LARGE1: variants seen among roughly 807,000 people sequenced by gnomAD.
The protein encoded by LARGE1 is xylosyl- and glucuronyltransferase LARGE1.
A neutral mutation model predicts 87.6 loss-of-function variants in LARGE1; 43 were observed. The ratio of observed to expected loss-of-function variants is 0.49; its 90% confidence interval spans 0.38 to 0.63. The LOEUF (loss-of-function observed/expected upper bound fraction) is 0.63, where lower values mean the gene tolerates loss of function less well. Ranked by LOEUF, LARGE1 falls within the 30% of genes least tolerant of loss-of-function variation. The pLI is 0.00. For synonymous variants in LARGE1, 434 were observed against 394.6 expected (o/e 1.10, Z -1.18); for missense variants, 802 against 1,000.2 (o/e 0.80, Z 2.67).
At chr22:33,180,154 C>T (rs1306958853) in intron 11 of LARGE1, among the ~76,000 whole-genome samples, 5 of 152,186 alleles carry the variant, frequency 3.3e-5, no homozygotes, top group African/African-American at 9.7e-5. Flanking sequence ...GTGAGAAATA[C>T]ATTTCTGGTC....
chr22:33,637,571 C>A (rs1007125483), intron 3 of LARGE1, among the ~76,000 whole-genome samples: 2 of 149,074 alleles, frequency 1.3e-5, no homozygotes, highest in Non-Finnish European at 3.0e-5. Context: ...ACATCCGAGG[C>A]TAGGTTATAA....
intron 10 of LARGE1, among the ~76,000 whole-genome samples, chr22:33,336,694 C>T (rs932606335): frequency 8.5e-5 from 13 of 152,152 alleles, no homozygotes; most frequent in East Asian, 1.9e-4. Context: ...CCAGTCTCAA[C>T]GTTGCTCCTT....
chr22:33,672,087 T>G (rs2081431922), intron 2 of LARGE1, among the ~76,000 whole-genome samples: 1 of 152,122 alleles, frequency 6.6e-6, no homozygotes, highest in Non-Finnish European at 1.5e-5. Context: ...CAGCTACATA[T>G]TAGGTAATAA....
chr22:33,450,329 T>C (rs994356428), intron 6 of LARGE1, among the ~76,000 whole-genome samples: 1 of 151,244 alleles, frequency 6.6e-6, no homozygotes, highest in African/African-American at 2.4e-5. Flanking sequence ...AAAAAGAACA[T>C]GAGAACTCCA....
chr22:33,238,649 C>T (rs933769090), intron 11 of LARGE1, among the ~76,000 whole-genome samples: 5 of 152,146 alleles, frequency 3.3e-5, no homozygotes, highest in Non-Finnish European at 7.4e-5. Flanking sequence ...TTTTACAGTG[C>T]CATAAAATTA....
chr22:33,894,162 A>C (rs2065074841), intron 1 of LARGE1, among the ~76,000 whole-genome samples: 2 of 152,002 alleles, frequency 1.3e-5, no homozygotes, highest in Admixed American at 1.3e-4. Flanking sequence ...CCTTATCCTA[A>C]GGCTGTGTCT....
At chr22:33,546,154 TG>T (rs2077355267) in intron 6 of LARGE1, among the ~76,000 whole-genome samples, 1 of 152,222 alleles carries the variant, frequency 6.6e-6, no homozygotes, top group Non-Finnish European at 1.5e-5. Flanking sequence ...CTCCTTGGCA[TG>T]GCACAGCACG....
At chr22:33,220,693 A>G (rs1007617445) in intron 11 of LARGE1, among the ~76,000 whole-genome samples, 1 of 152,204 alleles carries the variant, frequency 6.6e-6, no homozygotes, top group Non-Finnish European at 1.5e-5. Flanking sequence ...GAAGCTGCCC[A>G]TTGACTACTG....
chr22:33,098,226 T>TG, the LARGE1 span, among the ~76,000 whole-genome samples: 1 of 152,094 alleles, frequency 6.6e-6, no homozygotes, highest in Non-Finnish European at 1.5e-5. Context: ...GAGGATCACT[T>TG]GAGGCTTGAG....
chr22:33,810,814 C>T (rs1468539872), intron 1 of LARGE1, among the ~76,000 whole-genome samples: 1 of 151,908 alleles, frequency 6.6e-6, no homozygotes, highest in Non-Finnish European at 1.5e-5. Context: ...ACTTCCGCCT[C>T]CCGGGTTCAA....
chr22:33,355,200 C>T (rs1412261746), intron 9 of LARGE1, among the ~76,000 whole-genome samples: 2 of 152,168 alleles, frequency 1.3e-5, no homozygotes, highest in African/African-American at 4.8e-5. Flanking sequence ...TGTGTTCATT[C>T]GTACTATCCC....
At chr22:33,922,276 G>GGGTGGGGGGTGGGT (rs2065970315), upstream of LARGE1, 1 of 149,758 alleles carries the variant, frequency 6.7e-6, no homozygotes, top group Non-Finnish European at 1.5e-5. Flanking sequence ...CGGGCTGGGG[G>GGGTGGGGGGTGGGT]GGTGGGGCGG....
intron 13 of LARGE1, among the ~76,000 whole-genome samples, chr22:33,279,649 C>T (rs1032220290): frequency 1.3e-5 from 2 of 152,186 alleles, no homozygotes; most frequent in Non-Finnish European, 2.9e-5. Context: ...CCATCAAAAC[C>T]AAAGCCACTT....
chr22:33,852,684 TA>T (rs201430643), intron 1 of LARGE1, among the ~76,000 whole-genome samples: 2 of 151,160 alleles, frequency 1.3e-5, no homozygotes, highest in African/African-American at 4.9e-5. Flanking sequence ...CCGTCTCTAC[TA>T]AAAAAACATA....
intron 6 of LARGE1, among the ~76,000 whole-genome samples, chr22:33,455,815 G>A (rs1395148085): frequency 6.8e-6 from 1 of 147,872 alleles, no homozygotes; most frequent in Non-Finnish European, 1.5e-5. Flanking sequence ...AAGGATAGTA[G>A]AAGTCTCCTC....
At chr22:33,596,526 C>T (rs569848491) in intron 5 of LARGE1, among the ~76,000 whole-genome samples, 12 of 152,106 alleles carry the variant, frequency 7.9e-5, no homozygotes, top group Admixed American at 2.6e-4. Context: ...TCCAGACCTG[C>T]GCATAATATT....
intron 1 of LARGE1, among the ~76,000 whole-genome samples, chr22:33,808,475 T>C (rs1376805969): frequency 6.6e-6 from 1 of 152,196 alleles, no homozygotes; most frequent in Non-Finnish European, 1.5e-5. Flanking sequence ...ACCAAGGTGC[T>C]TGGCACAAAT....
chr22:33,148,805 G>C, the LARGE1 span, among the ~76,000 whole-genome samples: 1 of 151,960 alleles, frequency 6.6e-6, no homozygotes, highest in Admixed American at 6.6e-5. Flanking sequence ...GCTTTAGTTT[G>C]CATTTCCCTA....
chr22:33,253,122 A>C (rs1927086436), intron 11 of LARGE1, among the ~76,000 whole-genome samples: 1 of 152,202 alleles, frequency 6.6e-6, no homozygotes, highest in African/African-American at 2.4e-5. Context: ...GGAGACAGCG[A>C]ATCAGGCTGT....
Sources: gnomAD v4.1 joint callset for allele counts (sites outside exome capture counted in the v4.1 genomes callset) on GRCh38, gnomAD v4.1.1 for gene constraint, MANE v1.5 for transcripts, NCBI Gene and HGNC (gene_info 2026-07-23, HGNC 2026-07-21) for gene names.